Variants in MORN1 observed in about 807,000 individuals in gnomAD.
MORN1 encodes the protein MORN repeat containing 1, also known as MORN repeat-containing protein 1.
MORN1 carries 67 observed loss-of-function variants against 61.9 expected under a neutral mutation model. The observed-to-expected ratio is 1.08, with a 90% CI of 0.89 to 1.33. The LOEUF is 1.33. Ranked by LOEUF, MORN1 falls within the 40% of genes most tolerant of loss-of-function variation. The pLI is 0.00. For missense variants in MORN1, 752 were observed against 691.2 expected (o/e 1.09, Z -0.99); for synonymous variants, 301 against 292.0 (o/e 1.03, Z -0.31).
chr1:2,341,394 G>C (rs1254006219), intron 10 of MORN1, among the ~76,000 whole-genome samples: 2 of 152,070 alleles, frequency 1.3e-5, no homozygotes, highest in African/African-American at 2.4e-5. Context: ...CCAAACCACT[G>C]AAAAGAAAAG....
At chr1:2,383,394 C>A (rs141885960) in intron 6 of MORN1, among the ~76,000 whole-genome samples, 386 of 152,250 alleles carry the variant, frequency 2.5e-3, no homozygotes, top group Middle Eastern at 0.014. Context: ...CTCTCTACCA[C>A]CTGGGCTGGC....
At chr1:2,326,790 C>A (rs1040162064) in intron 12 of MORN1, 1 of 152,382 alleles carries the variant, frequency 6.6e-6, no homozygotes, top group Non-Finnish European at 1.5e-5. Flanking sequence ...ACATCCTGCT[C>A]CCTCCTGACT....
chr1:2,373,799 G>A (rs1642176034), intron 7 of MORN1, among the ~76,000 whole-genome samples: 2 of 152,302 alleles, frequency 1.3e-5, no homozygotes, highest in South Asian at 4.1e-4. Flanking sequence ...AGCAGTTACT[G>A]TCACCCGTCA....
intron 8 of MORN1, chr1:2,363,327 T>C (rs1569997156): frequency 6.6e-6 from 1 of 152,326 alleles, no homozygotes; most frequent in East Asian, 1.9e-4. Context: ...TAAGTCAAGA[T>C]GTACCTCTGC....
chr1:2,336,393 C>G lies in MORN1; in HGVS notation c.1250+76G>C, dbSNP rs562449387. Reference sequence around the variant, plus strand: ...GCCCTTGGCTCCCCTGGGCCTTCCCCGTCCTCCTGGCCCAGCTGATGAGGA... The same window carrying G: ...GCCCTTGGCTCCCCTGGGCCTTCCCGGTCCTCCTGGCCCAGCTGATGAGGA... On this transcript the variant is annotated intron_variant, in intron 12 of 13. Coordinates refer to ENST00000378531, the MANE Select transcript of MORN1 (RefSeq NM_024848.3). 19 of 1,465,172 alleles carry G rather than the reference C, an allele frequency of 1.3e-5. No individual in the cohort carries two copies. The East Asian group carries it at 3.5e-4, about 27-fold the overall frequency. The allele number at this position is 1,465,172 out of a possible 1,614,324, so 90.8% of individuals were successfully genotyped here.
intron 8 of MORN1, among the ~76,000 whole-genome samples, chr1:2,359,931 G>A (rs1313228528): frequency 3.3e-5 from 5 of 152,028 alleles, no homozygotes; most frequent in South Asian, 2.1e-4. Context: ...AGACCAGTCC[G>A]GTGCCCCAGA....
intron 12 of MORN1, among the ~76,000 whole-genome samples, chr1:2,325,086 C>G (rs1255238470): frequency 6.9e-6 from 1 of 144,046 alleles, no homozygotes; most frequent in Non-Finnish European, 1.5e-5. Flanking sequence ...ATACATCTTA[C>G]TTTCTTCTTT....
chr1:2,358,718 T>C lies in MORN1; in HGVS notation c.746-3A>G, dbSNP rs749109579. The C allele has an allele frequency of 8.1e-6, 13 of 1,607,532 alleles. No homozygotes were observed. The Admixed American group carries it at 2.2e-4, about 27-fold the overall frequency. ...CTGCAGGACCCGGCCGCTCTCGCCT[T>C]CCAGGAGAGAGGAGCAGGCAGTGAA... On this transcript the variant is annotated splice_region_variant and splice_polypyrimidine_tract_variant and intron_variant, in intron 8 of 13. Transcript: ENST00000378531.
In MORN1 at chr1:2,336,714, C is replaced by T. The variant is rs1641287634; in HGVS notation, c.1170+3G>A. The T allele has an allele frequency of 1.3e-6, 2 of 1,556,746 alleles. No homozygotes were observed. Among genetic ancestry groups the T allele is most frequent in the Admixed American group, 3.8e-5 (2 of 52,842 alleles). ...GGCCTCCCCGCCCCCCGTGGGCACC[C>T]ACCTTGTGGAGGCTGTCCAGGAACA... On this transcript the variant is annotated splice_donor_region_variant and intron_variant, in intron 11 of 13. Coordinates refer to ENST00000378531, the MANE Select transcript of MORN1 (RefSeq NM_024848.3).
rs763721957 is a variant in MORN1 at position 2,388,321 on chromosome 1, T to C, written c.165A>G (p.Leu55=). Residue 55 remains leucine, a synonymous_variant, in exon 3 of 14, where the codon TTA becomes TTG. Coordinates refer to ENST00000378531, the MANE Select transcript of MORN1 (RefSeq NM_024848.3). The part of the protein sequence containing the change: ...AGRKHGHGKL[L]FKDGSYYEGA... ...CTTCGTAATAACTGCCATCTTTAAA[T>C]AACAACTTCCCGTGACCTGGCAGGA... is the stretch of plus-strand genomic sequence containing the variant. 31 of 1,613,978 alleles carry C rather than the reference T, an allele frequency of 1.9e-5. No homozygotes were observed. The highest frequency in any genetic ancestry group is 2.4e-5 in the Non-Finnish European group (28 of 1,179,986).
At chr1:2,388,474 A>G (rs1057219732) in intron 2 of MORN1, 137 bp from the exon 3 acceptor site, 1 of 625,340 alleles carries the variant, frequency 1.6e-6, no homozygotes, top group Non-Finnish European at 2.8e-6. Context: ...CTCATGCTAT[A>G]CATGTATTTA....
intron 6 of MORN1, among the ~76,000 whole-genome samples, chr1:2,381,478 C>T (rs1218096777): frequency 1.3e-5 from 2 of 152,146 alleles, no homozygotes; most frequent in African/African-American, 4.8e-5. Context: ...CAGCAGTGTC[C>T]CCAGGGAGCT....
rs552746163 is a variant in MORN1, at chr1:2,384,827, G to C, written c.537+151C>G. 4.7e-6 allele frequency: 3 copies of C among 643,178 alleles called. No homozygotes were observed. In the African/African-American group the frequency reaches 5.5e-5, roughly 12 times the overall value. The allele number at this position is 643,178 out of a possible 1,614,324, so 39.8% of individuals were successfully genotyped here. On this transcript the variant is annotated intron_variant, in intron 6 of 13. Coordinates refer to ENST00000378531, the MANE Select transcript of MORN1 (RefSeq NM_024848.3). ...CCCAACAGGGAACTGTGAGGGGAGA[G>C]AGAAACTTATCTTCCCACACGGGAT...
intron 10 of MORN1, among the ~76,000 whole-genome samples, chr1:2,344,881 C>T (rs1343768153): frequency 6.6e-6 from 1 of 152,236 alleles, no homozygotes; most frequent in African/African-American, 2.4e-5. Context: ...GGAGCATGAC[C>T]GTCTCTCTGT....
intron 12 of MORN1, among the ~76,000 whole-genome samples, chr1:2,328,101 C>G (rs1003391387): frequency 6.6e-6 from 1 of 152,268 alleles, no homozygotes; most frequent in Non-Finnish European, 1.5e-5. Flanking sequence ...TTGACCCTGT[C>G]TACCCGGACC....
intron 12 of MORN1, among the ~76,000 whole-genome samples, chr1:2,331,844 G>A (rs12758880): frequency 1.2e-5 from 1 of 84,120 alleles, no homozygotes; most frequent in African/African-American, 4.1e-5. Flanking sequence ...CCCTCGTGCG[G>A]CTCTCCCGCC....
At chr1:2,384,361 C>T (rs537605616) in intron 6 of MORN1, among the ~76,000 whole-genome samples, 66 of 152,334 alleles carry the variant, frequency 4.3e-4, no homozygotes, top group African/African-American at 1.4e-3. Context: ...CCCATTCGCC[C>T]GAGAACAATC....
In MORN1 at chr1:2,357,626, C is replaced by T; in HGVS notation, c.870-28G>A. ...GCAAAGGAATGGGGGCAGCTTGGCT[C>T]TACTCACCCCACACCAAACTAGGGT... On this transcript the variant is annotated intron_variant, in intron 9 of 13. Transcript: ENST00000378531. The surrounding 1 kb of genome is among the most constrained non-coding windows in gnomAD (Gnocchi z 6.3). 6 of 1,560,206 alleles carry T rather than the reference C, an allele frequency of 3.8e-6. No homozygotes were observed. Among genetic ancestry groups the T allele is most frequent in the Non-Finnish European group, 5.2e-6 (6 of 1,148,804 alleles).
At chr1:2,333,023 G>C (rs1269726391) in intron 12 of MORN1, among the ~76,000 whole-genome samples, 2 of 152,232 alleles carry the variant, frequency 1.3e-5, no homozygotes, top group African/African-American at 4.8e-5. Flanking sequence ...GCTTGCTCTG[G>C]AACTGGAGAG....
Sources: gnomAD v4.1 joint callset for allele counts (sites outside exome capture counted in the v4.1 genomes callset) on GRCh38, gnomAD v4.1.1 for gene constraint, Gnocchi (gnomAD v3.1) non-coding constraint, MANE v1.5 for transcripts, NCBI Gene and HGNC (gene_info 2026-07-23, HGNC 2026-07-21) for gene names.